The following CAPN14 variants were observed in gnomAD, a reference collection of about 807,000 sequenced individuals.
The protein encoded by CAPN14 is calpain-14.
In CAPN14, 94 loss-of-function variants were observed where a neutral mutation model predicts 101.3. That is an observed-to-expected ratio of 0.93 (90% CI 0.79 to 1.10). The LOEUF is 1.10. Ranked by LOEUF, CAPN14 falls within the 50% of genes least tolerant of loss-of-function variation. The pLI, the probability that CAPN14 is intolerant of heterozygous loss-of-function variation, is 0.00. For synonymous variants in CAPN14, 338 were observed against 317.9 expected, an observed-to-expected ratio of 1.06 and a Z score of -0.67; for missense variants, 837 against 828.4, an observed-to-expected ratio of 1.01 and a Z score of -0.13.
At chr2:31,210,393 AGCCGAGATTGC>A (rs745991941) in intron 1 of CAPN14, among the ~76,000 whole-genome samples, 6 of 152,174 alleles carry the variant, frequency 3.9e-5, no homozygotes, top group Non-Finnish European at 2.9e-5. Context: ...GCTTGCAGTG[AGCCGAGATTGC>A]GCCACTGCAC....
At chr2:31,174,764 C>A in intron 21 of CAPN14, 57 bp from the exon 22 acceptor site, 1 of 1,520,182 alleles carries the variant, frequency 6.6e-7, no homozygotes, top group South Asian at 1.2e-5. Flanking sequence ...TCATCTGGGC[C>A]TCCCCATCCC....
intron 7 of CAPN14, among the ~76,000 whole-genome samples, chr2:31,198,588 T>C (rs559045307): frequency 1.1e-4 from 17 of 152,284 alleles, no homozygotes; most frequent in African/African-American, 3.9e-4. Context: ...TTAATAAATA[T>C]GGAAATAAAT....
At chr2:31,223,521 G>GTTTCTT (rs369242480) in intron 2 of CAPN14, among the ~76,000 whole-genome samples, 1 of 148,638 alleles carries the variant, frequency 6.7e-6, no homozygotes, top group Non-Finnish European at 1.5e-5. Flanking sequence ...CTAAGCTTCT[G>GTTTCTT]TTTCTTTTTC....
chr2:31,173,314 G>C lies in CAPN14; in HGVS notation c.*1367C>G, dbSNP rs1429587893. On this transcript the variant is annotated 3_prime_UTR_variant, in exon 22 of 22. Coordinates refer to ENST00000403897, the MANE Select transcript of CAPN14 (RefSeq NM_001145122.2). ...CTACCCCATAAGCTACGCTTTCAAA[G>C]TGCTCCTTTCTTCTGGTACAGTACC... 1 of 152,050 alleles carries C rather than the reference G, an allele frequency of 6.6e-6. No homozygotes were observed. The highest frequency in any genetic ancestry group is 1.5e-5 in the Non-Finnish European group (1 of 68,016). 9.4% of individuals were successfully genotyped at this position (152,050 alleles called of 1,614,324 possible).
In CAPN14 at chr2:31,194,894, G is replaced by T. The variant is rs979883178; in HGVS notation, c.876-411C>A. Among the ~76,000 whole-genome samples the T allele has an allele frequency of 2.0e-5, 3 of 152,126 alleles. No individual in the cohort carries two copies. The East Asian group carries it at 5.8e-4, about 29-fold the overall frequency. Reference sequence around the variant, plus strand: ...TGTCCTGATAGCCTCCTACCATCAAGAAATAAAAATGGGACAAAATATGAG... The same window carrying T: ...TGTCCTGATAGCCTCCTACCATCAATAAATAAAAATGGGACAAAATATGAG... On this transcript the variant is annotated intron_variant, in intron 8 of 21. Coordinates refer to ENST00000403897, the MANE Select transcript of CAPN14 (RefSeq NM_001145122.2).
intron 1 of CAPN14, among the ~76,000 whole-genome samples, chr2:31,233,025 G>A (rs780444124): frequency 2.6e-5 from 4 of 152,100 alleles, no homozygotes; most frequent in Admixed American, 6.5e-5. Context: ...CTCTACACAC[G>A]ATGCACTGCT....
rs778553986 is a variant in CAPN14, at chr2:31,202,008, G to C, written c.415-10C>G. 97 of 1,551,494 alleles carry C rather than the reference G, an allele frequency of 6.3e-5. 1 individual carries two copies. In the South Asian group the frequency reaches 1.2e-3, roughly 18 times the overall value. On this transcript the variant is annotated splice_polypyrimidine_tract_variant and intron_variant, in intron 4 of 21. Transcript: ENST00000403897. Reference sequence around the variant, plus strand: ...TCCCATAGTGCCAGAACTGGAGGGAGAGAGTGGCCCCGGGTGAATGAGGAC... The same window carrying C: ...TCCCATAGTGCCAGAACTGGAGGGACAGAGTGGCCCCGGGTGAATGAGGAC...
chr2:31,211,200 G>A (rs1682381698), intron 1 of CAPN14, among the ~76,000 whole-genome samples: 1 of 144,722 alleles, frequency 6.9e-6, no homozygotes, highest in Admixed American at 7.1e-5. Context: ...AAAGAAAAAA[G>A]AAAGAAAGAA....
At chr2:31,216,521 A>G (rs1682651127) in intron 1 of CAPN14, among the ~76,000 whole-genome samples, 1 of 152,138 alleles carries the variant, frequency 6.6e-6, no homozygotes. Context: ...CTCACACTCT[A>G]GAAAGGGCCC....
intron 12 of CAPN14, among the ~76,000 whole-genome samples, chr2:31,191,092 G>A (rs1026793940): frequency 6.6e-6 from 1 of 152,060 alleles, no homozygotes; most frequent in East Asian, 1.9e-4. Context: ...TGTGATGGCC[G>A]TCAATATTAG....
chr2:31,181,029 G>C, intron 16 of CAPN14, 29 bp from the exon 17 acceptor site: 1 of 1,547,560 alleles, frequency 6.5e-7, no homozygotes, highest in Non-Finnish European at 8.7e-7. Context: ...GTCCACATGG[G>C]GGCTGGCCCC....
chr2:31,199,676 A>T (rs991992644), intron 6 of CAPN14, 144 bp from the exon 7 acceptor site: 1 of 642,980 alleles, frequency 1.6e-6, no homozygotes, highest in Non-Finnish European at 2.7e-6. Flanking sequence ...CAGTTTTCAA[A>T]GCTCTTTGGT....
intron 19 of CAPN14, among the ~76,000 whole-genome samples, chr2:31,177,452 C>G (rs1680362031): frequency 6.6e-6 from 1 of 152,098 alleles, no homozygotes; most frequent in Non-Finnish European, 1.5e-5. Flanking sequence ...CCCGGCAGTC[C>G]TGAATTTAAA....
At chr2:31,193,421 T>C in intron 9 of CAPN14, 127 bp from the exon 10 acceptor site, 3 of 923,066 alleles carry the variant, frequency 3.3e-6, no homozygotes, top group Non-Finnish European at 3.2e-6. Flanking sequence ...CACCAGCTCT[T>C]GTGCAGAGCT....
intron 1 of CAPN14, among the ~76,000 whole-genome samples, chr2:31,216,368 T>C (rs1682645342): frequency 1.3e-5 from 2 of 152,046 alleles, no homozygotes; most frequent in Admixed American, 1.3e-4. Flanking sequence ...ACAAGGGAGT[T>C]TGAAAAGTGG....
chr2:31,195,929 G>A (rs1025518701), intron 8 of CAPN14, among the ~76,000 whole-genome samples: 7 of 152,014 alleles, frequency 4.6e-5, no homozygotes, highest in South Asian at 2.1e-4. Context: ...AATATGATCC[G>A]TGACCTGGAA....
intron 13 of CAPN14, among the ~76,000 whole-genome samples, chr2:31,188,923 T>C (rs940290080): frequency 2.6e-5 from 4 of 152,214 alleles, no homozygotes; most frequent in African/African-American, 7.2e-5. Context: ...CTTGAGGCTC[T>C]TGTAACACCC....
rs752969851 is a variant in CAPN14 at position 31,177,146 on chromosome 2, C to G, written c.1856-4G>C. 36 of 1,547,106 alleles carry G rather than the reference C, an allele frequency of 2.3e-5. No homozygotes were observed. The African/African-American group carries it at 4.9e-4, about 21-fold the overall frequency. On this transcript the variant is annotated splice_polypyrimidine_tract_variant and splice_region_variant and intron_variant, in intron 19 of 21. Transcript: ENST00000403897. ...ACGTCATCACTGAGCATGATTCCTG[C>G]ATTGAGCACAAGCTCCTGCTGTGGG...
chr2:31,212,379 A>G (rs1002156324), intron 1 of CAPN14, among the ~76,000 whole-genome samples: 1 of 152,108 alleles, frequency 6.6e-6, no homozygotes, highest in Admixed American at 6.6e-5. Flanking sequence ...ATGCCTCAAT[A>G]TAGTTGATTC....
Sources: gnomAD v4.1 joint callset for allele counts (sites outside exome capture counted in the v4.1 genomes callset) on GRCh38, gnomAD v4.1.1 for gene constraint, MANE v1.5 for transcripts, NCBI Gene and HGNC (gene_info 2026-07-23, HGNC 2026-07-21) for gene names.